Variants in RAMP1 observed in about 807,000 individuals in gnomAD.
RAMP1 encodes the protein receptor activity modifying protein 1.
A neutral mutation model predicts 8.2 loss-of-function variants in RAMP1; 7 were observed. The ratio of observed to expected loss-of-function variants is 0.85; its 90% CI spans 0.49 to 1.60. The LOEUF (loss-of-function observed/expected upper bound fraction) is 1.60, where lower values mean the gene tolerates loss of function less well. Among genes scored for constraint, RAMP1 ranks in the 40% most tolerant of loss-of-function variants. RAMP1 has a pLI of 0.00. For synonymous variants in RAMP1, 92 were observed against 84.7 expected (o/e 1.09, Z -0.47); for missense variants, 192 against 202.4 (o/e 0.95, Z 0.31).
At chr2:237,890,544 T>C (rs538940976) in intron 2 of RAMP1, among the ~76,000 whole-genome samples, 5 of 152,206 alleles carry the variant, frequency 3.3e-5, no homozygotes, top group African/African-American at 1.2e-4. Context: ...TCTTAGAAGT[T>C]TGAATGAATT....
rs568086421 is a variant in RAMP1, at chr2:237,896,519, G to A, written c.192-15009G>A. ...GGACCGTTCCCCAGTCTGCACTGCCGCCTCAGGGACCTCCCCATCACCTCA... is the reference window on the plus strand; with the variant it reads ...GGACCGTTCCCCAGTCTGCACTGCCACCTCAGGGACCTCCCCATCACCTCA... On this transcript the variant is annotated intron_variant, in intron 2 of 2. Coordinates refer to ENST00000254661, the MANE Select transcript of RAMP1 (RefSeq NM_005855.4). 1.2e-3 allele frequency among the ~76,000 whole-genome samples: 185 copies of A among 152,340 alleles called. 2 individuals are homozygous for A. The highest frequency in any genetic ancestry group is 1.3e-3 in the African/African-American group (52 of 41,584).
At chr2:237,859,775 C>T in intron 1 of RAMP1, 48 bp downstream of exon 1, 12 of 1,225,372 alleles carry the variant, frequency 9.8e-6, no homozygotes, top group Non-Finnish European at 1.3e-5. Context: ...CCTGGCCAGC[C>T]GGTGTCCTCT....
chr2:237,896,973 G>A (rs2062548608), intron 2 of RAMP1, among the ~76,000 whole-genome samples: 1 of 152,224 alleles, frequency 6.6e-6, no homozygotes, highest in Admixed American at 6.5e-5. Context: ...ACAGCAGAGG[G>A]GCCAGGCCTT....
Position 237,877,338 on chromosome 2 carries a change from GGT to G in RAMP1, c.171_172del (p.Cys57Ter). On this transcript the variant is annotated frameshift_variant, in exon 2 of 3. Coordinates refer to ENST00000254661, the MANE Select transcript of RAMP1 (RefSeq NM_005855.4). LOFTEE classifies it low-confidence loss of function (END_TRUNC). The surrounding 1 kb of genome is among the most constrained non-coding windows in gnomAD (Gnocchi z 4.4). Reference sequence around the variant, plus strand: ...ATGGAGGCCGTCGGGGAGACGCTGTGGTGTGACTGGGGCAGGACCATCAGGTG... The same window carrying G: ...ATGGAGGCCGTCGGGGAGACGCTGTGGTGACTGGGGCAGGACCATCAGGTG... 4 of 1,613,604 alleles carry G rather than the reference GGT, an allele frequency of 2.5e-6. No homozygotes were observed. The highest frequency in any genetic ancestry group is 3.4e-6 in the Non-Finnish European group (4 of 1,179,802).
rs985688633 is a variant in RAMP1, at chr2:237,862,259, C to A, written c.52+2532C>A. ...ATTGCCATGCGGTTTTAAATCTGGA[C>A]ACAGTTCTCATGCCAAAGTCCAAAT... On this transcript the variant is annotated intron_variant, in intron 1 of 2. Coordinates refer to ENST00000254661, the MANE Select transcript of RAMP1 (RefSeq NM_005855.4). This position sits in a 1 kb window ranked among gnomAD's most constrained non-coding sequence, Gnocchi z 4.0. Among the ~76,000 whole-genome samples, 2 of 152,186 alleles carry A rather than the reference C, an allele frequency of 1.3e-5. No individual in the cohort carries two copies. Among genetic ancestry groups the A allele is most frequent in the African/African-American group, 4.8e-5 (2 of 41,438 alleles).
At chr2:237,870,598 T>C (rs59233357) in intron 1 of RAMP1, among the ~76,000 whole-genome samples, 35,262 of 152,190 alleles carry the variant, frequency 0.23, 5,143 homozygotes, top group African/African-American at 0.41. Flanking sequence ...ACCTGTGTTT[T>C]ATTTTATGAC....
chr2:237,867,864 C>G (rs1192438490), intron 1 of RAMP1, among the ~76,000 whole-genome samples: 3 of 152,104 alleles, frequency 2.0e-5, no homozygotes, highest in African/African-American at 4.8e-5. Flanking sequence ...GTTGTGGACC[C>G]TTATTCTTTC....
At chr2:237,879,006 C>T (rs958691411) in intron 2 of RAMP1, among the ~76,000 whole-genome samples, 5 of 152,218 alleles carry the variant, frequency 3.3e-5, no homozygotes, top group Non-Finnish European at 5.9e-5. Flanking sequence ...CTCTACTGTA[C>T]TGAAGGTCTC....
intron 2 of RAMP1, among the ~76,000 whole-genome samples, chr2:237,893,423 G>A (rs932084272): frequency 6.6e-5 from 10 of 152,120 alleles, no homozygotes; most frequent in Non-Finnish European, 1.5e-4. Flanking sequence ...CTCCAGGACC[G>A]GACACTGACA....
intron 1 of RAMP1, among the ~76,000 whole-genome samples, chr2:237,876,274 C>T (rs886343562): frequency 6.6e-6 from 1 of 152,152 alleles, no homozygotes; most frequent in Admixed American, 6.5e-5. Flanking sequence ...TCCCTGGGCC[C>T]GAGGCTGCAA....
In RAMP1 at chr2:237,878,209, C is replaced by G. The variant is rs368498019; in HGVS notation, c.191+847C>G. ...ATCTGTCTGTGGGTTCACAGCGCAGCGCAAGTCCTGGTGCCCCACCGATGA... is the reference window on the plus strand; with the variant it reads ...ATCTGTCTGTGGGTTCACAGCGCAGGGCAAGTCCTGGTGCCCCACCGATGA... On this transcript the variant is annotated intron_variant, in intron 2 of 2. Coordinates refer to ENST00000254661, the MANE Select transcript of RAMP1 (RefSeq NM_005855.4). The surrounding 1 kb of genome is among the most constrained non-coding windows in gnomAD (Gnocchi z 5.7). 37 of 976,330 alleles carry G rather than the reference C, an allele frequency of 3.8e-5. No individual in the cohort carries two copies. In the South Asian group the frequency reaches 1.6e-3, roughly 41 times the overall value. 60.5% of individuals were successfully genotyped at this position (976,330 alleles called of 1,614,324 possible).
intron 2 of RAMP1, among the ~76,000 whole-genome samples, chr2:237,883,256 TC>T (rs1302114557): frequency 1.3e-5 from 2 of 152,076 alleles, no homozygotes; most frequent in Admixed American, 6.5e-5. Context: ...GAGGGAAGCT[TC>T]CAGACTCTTC....
At chr2:237,905,608 A>G (rs2062643269) in intron 2 of RAMP1, among the ~76,000 whole-genome samples, 1 of 152,208 alleles carries the variant, frequency 6.6e-6, no homozygotes, top group African/African-American at 2.4e-5. Flanking sequence ...TCCTCAGAGG[A>G]CAGGGGTCAG....
intron 2 of RAMP1, among the ~76,000 whole-genome samples, chr2:237,886,234 C>T: frequency 6.6e-6 from 1 of 152,212 alleles, no homozygotes; most frequent in East Asian, 1.9e-4. Flanking sequence ...GTCGTTCCAC[C>T]TTCCTGTAGT....
chr2:237,874,145 G>A (rs978957554), intron 1 of RAMP1, among the ~76,000 whole-genome samples: 8 of 152,254 alleles, frequency 5.3e-5, no homozygotes, highest in Admixed American at 2.0e-4. Flanking sequence ...CCCGGACAGG[G>A]GATTGCATGG....
intron 2 of RAMP1, among the ~76,000 whole-genome samples, chr2:237,895,054 G>A (rs938162765): frequency 6.6e-6 from 1 of 152,120 alleles, no homozygotes; most frequent in Non-Finnish European, 1.5e-5. Flanking sequence ...CAGCCACCAA[G>A]GGCCCAGCAG....
intron 1 of RAMP1, among the ~76,000 whole-genome samples, chr2:237,871,875 A>G (rs1300414759): frequency 6.6e-6 from 1 of 152,222 alleles, no homozygotes; most frequent in Non-Finnish European, 1.5e-5. Context: ...AAAGGAAGAA[A>G]GAAAACCACT....
chr2:237,912,090 A>G lies in RAMP1; in HGVS notation c.*307A>G. 2.5e-6 allele frequency: 1 copy of G among 401,936 alleles called. No homozygotes were observed. The highest frequency in any genetic ancestry group is 3.9e-5 in the Admixed American group (1 of 25,664). 24.9% of individuals were successfully genotyped at this position (401,936 alleles called of 1,614,324 possible). On this transcript the variant is annotated 3_prime_UTR_variant, in exon 3 of 3. Coordinates refer to ENST00000254661, the MANE Select transcript of RAMP1 (RefSeq NM_005855.4). Reference sequence around the variant, plus strand: ...TTTGTGGATGAGTGGTTTGTGATTAAAAGGGATGTTCTTGAACTTGGAAAG... The same window carrying G: ...TTTGTGGATGAGTGGTTTGTGATTAGAAGGGATGTTCTTGAACTTGGAAAG...
rs1323560625 is a variant in RAMP1, at chr2:237,878,021, G to C, written c.191+659G>C. The C allele has an allele frequency of 2.0e-6, 2 of 985,440 alleles. No individual in the cohort carries two copies. The highest frequency in any genetic ancestry group is 1.7e-5 in the African/African-American group (1 of 57,360). 61.0% of individuals were successfully genotyped at this position (985,440 alleles called of 1,614,324 possible). A position where few individuals can be genotyped will look rare whatever the true frequency, so the allele number is the denominator to read the frequency against. Reference sequence around the variant, plus strand: ...CAGGCTCCTCTGCCTCCAGAGCGGCGATCAGAACTCGGCATGTCCGCAATC... The same window carrying C: ...CAGGCTCCTCTGCCTCCAGAGCGGCCATCAGAACTCGGCATGTCCGCAATC... On this transcript the variant is annotated intron_variant, in intron 2 of 2. Transcript: ENST00000254661. This position sits in a 1 kb window ranked among gnomAD's most constrained non-coding sequence, Gnocchi z 5.7.
Sources: allele counts gnomAD v4.1 joint callset (sites outside exome capture counted in the v4.1 genomes callset), GRCh38; gene constraint gnomAD v4.1.1; non-coding constraint Gnocchi (gnomAD v3.1); transcripts MANE v1.5; gene names NCBI Gene and HGNC (gene_info 2026-07-23, HGNC 2026-07-21).